The following PDGFRA variants were observed in gnomAD, a reference collection of about 807,000 sequenced individuals.
The protein encoded by PDGFRA is platelet-derived growth factor receptor alpha.
A neutral mutation model predicts 121.5 loss-of-function variants in PDGFRA; 25 were observed. That is an observed-to-expected ratio of 0.21 (90% CI 0.15 to 0.29). The LOEUF (loss-of-function observed/expected upper bound fraction) is 0.29. Among genes scored for constraint, PDGFRA ranks in the 10% least tolerant of loss-of-function variants. The pLI, the probability that PDGFRA is intolerant of heterozygous loss-of-function variation, is 1.00. For synonymous variants in PDGFRA, 463 were observed against 494.8 expected, an observed-to-expected ratio of 0.94 and a Z score of 0.85; for missense variants, 1,008 against 1,345.1, an observed-to-expected ratio of 0.75 and a Z score of 3.92.
intron 1 of PDGFRA, among the ~76,000 whole-genome samples, chr4:54,235,127 G>A (rs1212352540): frequency 2.0e-5 from 3 of 152,188 alleles, no homozygotes; most frequent in Non-Finnish European, 4.4e-5. Flanking sequence ...AGGAGACTGC[G>A]TAGAAAAAGG....
rs182222976 is a variant in PDGFRA, at chr4:54,269,674, G to A, written c.1122-959G>A. ...TTTTTTTTTTTTGAGATGGAGTCTT[G>A]CTCTGTCACCCAGGCTGGAGTGCAG... On this transcript the variant is annotated intron_variant, in intron 7 of 22. Transcript: ENST00000257290. Among the ~76,000 whole-genome samples the A allele has an allele frequency of 4.0e-3, 469 of 117,412 alleles. 3 individuals are homozygous for A. The highest frequency in any genetic ancestry group is 0.015 in the African/African-American group (443 of 29,864). 77.0% of individuals were successfully genotyped at this position (117,412 alleles called of 152,430 possible). A position where few individuals can be genotyped will look rare whatever the true frequency, so the allele number is the denominator to read the frequency against.
Position 54,274,574 on chromosome 4 carries a change from G to T in PDGFRA, c.1602G>T (p.Leu534=). 6.2e-7 allele frequency: 1 copy of T among 1,614,078 alleles called. No homozygotes were observed. The highest frequency in any genetic ancestry group is 8.5e-7 in the Non-Finnish European group (1 of 1,179,944). The part of the protein sequence containing the change: ...ELTVAAAVLV[L]LVIVIISLIV... ...CGGTGGCTGCTGCAGTCCTGGTGCT[G>T]TTGGTGATTGTGATCATCTCACTTA... Residue 534 remains leucine, a synonymous_variant, in exon 11 of 23, where the codon CTG becomes CTT. Transcript: ENST00000257290.
At chr4:54,256,331 G>T (rs1000762422) in intron 1 of PDGFRA, among the ~76,000 whole-genome samples, 2 of 152,062 alleles carry the variant, frequency 1.3e-5, no homozygotes, top group Admixed American at 6.6e-5. Context: ...TACCTCAGGG[G>T]TTCAAGCGAT....
At chr4:54,258,874 T>C (rs1318832488) in intron 2 of PDGFRA, 57 bp downstream of exon 2, 13 of 1,384,842 alleles carry the variant, frequency 9.4e-6, no homozygotes, top group Non-Finnish European at 1.0e-6. Flanking sequence ...TTTTTAAGCT[T>C]TGTGCTGCAT....
rs1352414308 is a variant in PDGFRA at position 54,297,666 on chromosome 4, G to T, written c.*2394G>T. On this transcript the variant is annotated 3_prime_UTR_variant, in exon 23 of 23. Coordinates refer to ENST00000257290, the MANE Select transcript of PDGFRA (RefSeq NM_006206.6). ...TATATGACTGCATTTGTGTGTGTGT[G>T]TGTGTTTTCAGCAAATTCCAGATTT... The T allele has an allele frequency of 1.1e-4, 25 of 233,558 alleles. No individual in the cohort carries two copies. The Admixed American group carries it at 1.4e-3, about 13-fold the overall frequency. The allele number at this position is 233,558 out of a possible 1,614,324, so 14.5% of individuals were successfully genotyped here. A position where few individuals can be genotyped will look rare whatever the true frequency, so the allele number is the denominator to read the frequency against.
intron 1 of PDGFRA, among the ~76,000 whole-genome samples, chr4:54,234,258 AT>A (rs60487071): frequency 0.25 from 37,834 of 151,884 alleles, 5,058 homozygotes; most frequent in Admixed American, 0.33. Flanking sequence ...CAGTTTTCCT[AT>A]TTCTGCTTAA....
intron 1 of PDGFRA, among the ~76,000 whole-genome samples, chr4:54,247,264 C>A (rs1214580864): frequency 6.6e-6 from 1 of 151,904 alleles, no homozygotes; most frequent in African/African-American, 2.4e-5. Flanking sequence ...GAGACACAAC[C>A]AAAAAAGAGA....
chr4:54,287,380 G>T (rs753848691), intron 18 of PDGFRA, 50 bp from the exon 19 acceptor site: 2 of 802,334 alleles, frequency 2.5e-6, no homozygotes, highest in Non-Finnish European at 4.6e-6. Flanking sequence ...CACTGCTGTG[G>T]ATCATCAGTG....
At chr4:54,272,370 C>T (rs781419231) in intron 8 of PDGFRA, 24 bp from the exon 9 acceptor site, 2 of 1,613,636 alleles carry the variant, frequency 1.2e-6, no homozygotes, top group South Asian at 1.1e-5. Context: ...CTATTCCATT[C>T]TGACTTCTTT....
chr4:54,243,940 C>T (rs565795244), intron 1 of PDGFRA, among the ~76,000 whole-genome samples: 3 of 152,338 alleles, frequency 2.0e-5, no homozygotes, highest in East Asian at 3.9e-4. Flanking sequence ...GAGGGTCCTA[C>T]GCCCACAGAG....
At chr4:54,281,896 G>C in intron 16 of PDGFRA, 1 of 1,144,738 alleles carries the variant, frequency 8.7e-7, no homozygotes, top group Non-Finnish European at 1.1e-6. Flanking sequence ...ACATGTGATT[G>C]GTGGTTGATT....
intron 22 of PDGFRA, among the ~76,000 whole-genome samples, chr4:54,292,046 A>C (rs1724659104): frequency 6.6e-6 from 1 of 152,250 alleles, no homozygotes; most frequent in Non-Finnish European, 1.5e-5. Flanking sequence ...GTGGAGAAAA[A>C]GAAACACTTT....
chr4:54,254,451 G>T (rs922619012), intron 1 of PDGFRA, among the ~76,000 whole-genome samples: 7 of 152,176 alleles, frequency 4.6e-5, no homozygotes, highest in African/African-American at 1.7e-4. Context: ...AATCTTCCCT[G>T]GCAGTGGGTC....
At chr4:54,295,104 G>C (rs765646326) in intron 22 of PDGFRA, 21 bp from the exon 23 acceptor site, 3 of 1,612,210 alleles carry the variant, frequency 1.9e-6, no homozygotes. Flanking sequence ...TGTAATATTT[G>C]CTCTTCTCTC....
intron 19 of PDGFRA, among the ~76,000 whole-genome samples, chr4:54,288,442 T>C (rs1418532534): frequency 6.6e-6 from 1 of 152,212 alleles, no homozygotes; most frequent in East Asian, 1.9e-4. Context: ...TGAACATACC[T>C]GGTGAAAAAG....
chr4:54,270,827 G>T (rs951668404), intron 8 of PDGFRA, 79 bp downstream of exon 8: 3 of 813,248 alleles, frequency 3.7e-6, no homozygotes, highest in Non-Finnish European at 6.5e-6. Context: ...TTTTCTCCCC[G>T]GTCATGGAAG....
intron 22 of PDGFRA, among the ~76,000 whole-genome samples, chr4:54,292,771 A>G (rs60218083): frequency 0.2 from 30,643 of 152,042 alleles, 3,781 homozygotes; most frequent in African/African-American, 0.34. Context: ...GCAAACTAAT[A>G]CGGGAACAGA....
At chr4:54,270,471 G>T (rs753988851) in intron 7 of PDGFRA, among the ~76,000 whole-genome samples, 162 bp from the exon 8 acceptor site, 1 of 152,010 alleles carries the variant, frequency 6.6e-6, no homozygotes, top group East Asian at 1.9e-4. Context: ...TTCAGTGTGT[G>T]CACTATATAT....
chr4:54,274,769 T>C (rs2110298471), intron 11 of PDGFRA, 72 bp from the exon 12 acceptor site: 1 of 1,554,114 alleles, frequency 6.4e-7, no homozygotes, highest in African/African-American at 1.4e-5. Context: ...CCAGTCACTG[T>C]GCTGCTTCAG....
Sources: gnomAD v4.1 joint callset for allele counts (sites outside exome capture counted in the v4.1 genomes callset) on GRCh38, gnomAD v4.1.1 for gene constraint, MANE v1.5 for transcripts, NCBI Gene and HGNC (gene_info 2026-07-23, HGNC 2026-07-21) for gene names.